RYR1: variants seen among roughly 807,000 people sequenced by gnomAD.
RYR1 encodes the protein ryanodine receptor 1.
Under a neutral mutation model 583.5 loss-of-function variants are expected in RYR1, and 342 were observed. The ratio of observed to expected loss-of-function variants is 0.59; its 90% CI spans 0.54 to 0.64. The LOEUF is 0.64. RYR1 is among the 30% of genes least tolerant of loss of function. RYR1 has a pLI of 0.00. For synonymous variants in RYR1, 2,791 were observed against 2,822.5 expected, an observed-to-expected ratio of 0.99 and a Z score of 0.35; for missense variants, 6,032 against 6,917.2, an observed-to-expected ratio of 0.87 and a Z score of 4.54.
rs893030391 is a variant in RYR1 at position 38,538,004 on chromosome 19, G to T, written c.11689+44G>T. 3.8e-6 allele frequency: 6 copies of T among 1,586,132 alleles called. No homozygotes were observed. In the African/African-American group the frequency reaches 5.4e-5, roughly 14 times the overall value. ...GGGTGGAGGGGAAGCCGAGGTTTGG[G>T]GCTGGTACGGAAGGGTTGACTGAAT... On this transcript the variant is annotated intron_variant, in intron 84 of 105. Transcript: ENST00000359596.
intron 89 of RYR1, among the ~76,000 whole-genome samples, chr19:38,558,793 A>AT (rs1430186501): frequency 6.7e-6 from 1 of 149,114 alleles, no homozygotes; most frequent in Non-Finnish European, 1.5e-5. Flanking sequence ...AATAAAAATA[A>AT]TTTTTTAAAA....
intron 11 of RYR1, among the ~76,000 whole-genome samples, chr19:38,449,025 T>C (rs1001307273): frequency 4.0e-5 from 6 of 150,802 alleles, no homozygotes; most frequent in African/African-American, 1.5e-4. Flanking sequence ...GGAGAGAAAC[T>C]GAGACTGAGA....
chr19:38,455,060 G>T (rs1434299182), intron 13 of RYR1, among the ~76,000 whole-genome samples, 175 bp from the exon 14 acceptor site: 1 of 152,134 alleles, frequency 6.6e-6, no homozygotes, highest in East Asian at 1.9e-4. Flanking sequence ...GGGGAGCCAA[G>T]GAGGAGAGGA....
At position 38,500,913 on chromosome 19, in the gene RYR1, G is replaced by A. The variant is rs1970086634; in HGVS notation, c.7537G>A (p.Glu2513Lys). 3.1e-6 allele frequency: 5 copies of A among 1,614,092 alleles called. No individual in the cohort carries two copies. Among genetic ancestry groups the A allele is most frequent in the South Asian group, 2.2e-5 (2 of 91,076 alleles). Residue 2513 changes from glutamate (E) to lysine (K), a missense_variant, in exon 47 of 106, where the codon GAG becomes AAG. By Grantham distance (56) the Glu-to-Lys change is moderately conservative. Transcript: ENST00000359596. This position sits in a 1 kb window ranked among gnomAD's most constrained non-coding sequence, Gnocchi z 5.9. ...VLFLDRVYGI[E>K]NQDFLLHVLD... is the part of the protein sequence containing the mutation. ...CTTCCTGGACCGTGTGTATGGCATC[G>A]AGAACCAGGACTTCTTGCTGCACGT...
rs1370296632 is a variant in RYR1, at chr19:38,566,892, A to T, written c.13438-19A>T. ...CGCTTAGGGTGAGGACTCAGCCCTGATGCTTGCCCTGTCCCTAGGTGGATG... is the reference window on the plus strand; with the variant it reads ...CGCTTAGGGTGAGGACTCAGCCCTGTTGCTTGCCCTGTCCCTAGGTGGATG... On this transcript the variant is annotated intron_variant, in intron 91 of 105. Transcript: ENST00000359596. 2.5e-6 allele frequency: 4 copies of T among 1,597,620 alleles called. No homozygotes were observed. Among genetic ancestry groups the T allele is most frequent in the African/African-American group, 2.7e-5 (2 of 74,730 alleles).
intron 34 of RYR1, 96 bp from the exon 35 acceptor site, chr19:38,489,081 G>A (rs1600782934): frequency 9.5e-7 from 1 of 1,055,798 alleles, no homozygotes; most frequent in Non-Finnish European, 1.5e-6. Flanking sequence ...AGGAATGATT[G>A]GCATGTGCAT....
At chr19:38,446,842 C>A in intron 9 of RYR1, 74 bp downstream of exon 9, 1 of 1,190,670 alleles carries the variant, frequency 8.4e-7, no homozygotes, top group Non-Finnish European at 1.2e-6. Context: ...CAGAAAAGGT[C>A]TTGAGGGAAG....
chr19:38,442,854 A>G (rs993390699), intron 3 of RYR1, among the ~76,000 whole-genome samples: 1 of 151,880 alleles, frequency 6.6e-6, no homozygotes, highest in Non-Finnish European at 1.5e-5. Flanking sequence ...CCTTTCCCCC[A>G]ACCCTGATCC....
rs966803582 is a variant in RYR1 at position 38,504,372 on chromosome 19, AGGG to A, written c.8067+13_8067+15del. 1.9e-6 allele frequency: 3 copies of A among 1,612,558 alleles called. No individual in the cohort carries two copies. In the African/African-American group the frequency reaches 4.0e-5, roughly 22 times the overall value. Reference sequence around the variant, plus strand: ...CTCTGGCCCATAAGGTCTGGGCAGCAGGGAGCCCCAAAATGGCCTATGTGGAGG... The same window carrying A: ...CTCTGGCCCATAAGGTCTGGGCAGCAAGCCCCAAAATGGCCTATGTGGAGG... On this transcript the variant is annotated intron_variant, in intron 50 of 105. Coordinates refer to ENST00000359596, the MANE Select transcript of RYR1 (RefSeq NM_000540.3).
At chr19:38,462,997 A>G (rs1967847135) in intron 20 of RYR1, among the ~76,000 whole-genome samples, 1 of 143,404 alleles carries the variant, frequency 7.0e-6, no homozygotes, top group East Asian at 2.1e-4. Context: ...CCAGAGTTCA[A>G]GCAATTCTCC....
chr19:38,539,228 AAG>A (rs1175265957), intron 84 of RYR1, among the ~76,000 whole-genome samples: 21 of 150,510 alleles, frequency 1.4e-4, no homozygotes, highest in Admixed American at 1.3e-3. Flanking sequence ...CCATGGGACT[AAG>A]ATTTTTTCTT....
Position 38,524,814 on chromosome 19 carries a change from T to C in RYR1, c.10456-518T>C, listed in dbSNP as rs2071090. ...TTTGTTTCATTCTTGAGAACTTGGT[T>C]TTGGGATGTGAAGTGTGGGGTTGTG... On this transcript the variant is annotated intron_variant, in intron 70 of 105. Coordinates refer to ENST00000359596, the MANE Select transcript of RYR1 (RefSeq NM_000540.3). Among the ~76,000 whole-genome samples the C allele has an allele frequency of 0.15, 22,636 of 152,130 alleles. 1,871 individuals carry two copies. The highest frequency in any genetic ancestry group is 0.3 in the South Asian group (1,434 of 4,812).
intron 67 of RYR1, 87 bp downstream of exon 67, chr19:38,519,541 A>G (rs1971129988): frequency 1.4e-6 from 2 of 1,463,050 alleles, no homozygotes; most frequent in East Asian, 2.5e-5. Flanking sequence ...CTGACTGGCT[A>G]GAAACTTCTT....
chr19:38,517,700 G>A lies in RYR1; in HGVS notation c.10018+9G>A. ...GATGAAGCGGCTGGCTGGTGGGTCG[G>A]GGGGCACTGGGCCTCTGAGGGGTGG... is the stretch of plus-strand genomic sequence containing the variant. On this transcript the variant is annotated intron_variant, in intron 66 of 105. Coordinates refer to ENST00000359596, the MANE Select transcript of RYR1 (RefSeq NM_000540.3). 1 of 1,613,892 alleles carries A rather than the reference G, an allele frequency of 6.2e-7. No individual in the cohort carries two copies. Among genetic ancestry groups the A allele is most frequent in the Non-Finnish European group, 8.5e-7 (1 of 1,179,786 alleles).
chr19:38,504,291 C>T lies in RYR1; in HGVS notation c.7998C>T (p.Val2666=), dbSNP rs752198477. The T allele has an allele frequency of 1.2e-6, 2 of 1,614,130 alleles. No homozygotes were observed. Among genetic ancestry groups the T allele is most frequent in the South Asian group, 2.2e-5 (2 of 91,072 alleles). The stretch of plus-strand genomic sequence containing the variant: ...CCACGGGCTGGGCCAACTTCGGGGT[C>T]ACCTCAGAGGAGGAGCTGCACCTCA... ...CLPTGWANFG[V]TSEEELHLTR... Residue 2666 remains valine, a synonymous_variant, in exon 50 of 106, where the codon GTC becomes GTT. Coordinates refer to ENST00000359596, the MANE Select transcript of RYR1 (RefSeq NM_000540.3).
At position 38,433,764 on chromosome 19, in the gene RYR1, C is replaced by CCA; in HGVS notation, c.-66_-65insCA. On this transcript the variant is annotated 5_prime_UTR_variant, in exon 1 of 106. Coordinates refer to ENST00000359596, the MANE Select transcript of RYR1 (RefSeq NM_000540.3). Reference sequence around the variant, plus strand: ...GACCCCAGCCCGCCCCCAGCCCTCCCGCCCAGCCCGCAGCCCCCTCCCTCT... The same window carrying CCA: ...GACCCCAGCCCGCCCCCAGCCCTCCCCAGCCCAGCCCGCAGCCCCCTCCCTCT... 1.3e-6 allele frequency: 1 copy of CCA among 790,220 alleles called. No homozygotes were observed. The highest frequency in any genetic ancestry group is 2.3e-6 in the Non-Finnish European group (1 of 440,614). 49.0% of individuals were successfully genotyped at this position (790,220 alleles called of 1,614,324 possible). A position where few individuals can be genotyped will look rare whatever the true frequency, so the allele number is the denominator to read the frequency against.
At chr19:38,447,494 T>C (rs980950052) in intron 9 of RYR1, among the ~76,000 whole-genome samples, 19 of 151,750 alleles carry the variant, frequency 1.3e-4, no homozygotes, top group Non-Finnish European at 2.6e-4. Flanking sequence ...TGAGCTGAGA[T>C]TGCACCATTG....
chr19:38,483,378 T>A lies in RYR1; in HGVS notation c.4796T>A (p.Leu1599Gln). 6.4e-7 allele frequency: 1 copy of A among 1,566,040 alleles called. No homozygotes were observed. The highest frequency in any genetic ancestry group is 8.7e-7 in the Non-Finnish European group (1 of 1,156,026). The change falls in exon 33 of 106, where the codon CTG becomes CAG. Residue 1599 changes from leucine (L) to glutamine (Q), a missense_variant. By Grantham distance (113) the Leu-to-Gln change is moderately radical. This residue lies in a region of RYR1 where 2,627 missense variants were observed against 2,961.3 expected (regional missense o/e 0.89). Coordinates refer to ENST00000359596, the MANE Select transcript of RYR1 (RefSeq NM_000540.3). This position sits in a 1 kb window ranked among gnomAD's most constrained non-coding sequence, Gnocchi z 6.3. ...CCACCGCGGCTGGAGATGCAGATGC[T>A]GATGCCAGTGTCCTGGAGCCGCATG... ...QCPPRLEMQM[L>Q]MPVSWSRMPN...
At chr19:38,445,588 C>T (rs995175203) in intron 7 of RYR1, among the ~76,000 whole-genome samples, 3 of 152,152 alleles carry the variant, frequency 2.0e-5, no homozygotes, top group African/African-American at 7.2e-5. Context: ...CAACTTCTAA[C>T]TACAAAGCTC....
Sources: gnomAD v4.1 joint callset for allele counts (sites outside exome capture counted in the v4.1 genomes callset) on GRCh38, gnomAD v4.1.1 for gene constraint, gnomAD v4.1.1 regional missense constraint, Gnocchi (gnomAD v3.1) non-coding constraint, MANE v1.5 for transcripts, NCBI Gene and HGNC (gene_info 2026-07-23, HGNC 2026-07-21) for gene names.